The following ADARB2 variants were observed in gnomAD, a reference collection of about 807,000 sequenced individuals.
The protein encoded by ADARB2 is adenosine deaminase RNA specific B2 (inactive), also known as inactive double-stranded RNA-specific editase B2.
ADARB2 carries 25 observed loss-of-function variants against 62.2 expected under a neutral mutation model. The observed-to-expected ratio is 0.40, with a 90% CI of 0.29 to 0.56. ADARB2 has a LOEUF of 0.56. Ranked by LOEUF, ADARB2 falls within the 20% of genes least tolerant of loss-of-function variation. The pLI is 0.43. For missense variants in ADARB2, 1,071 were observed against 1,077.4 expected (o/e 0.99, Z 0.08); for synonymous variants, 572 against 500.8 (o/e 1.14, Z -1.90).
chr10:1,206,345 G>T (rs1837065558), intron 7 of ADARB2, among the ~76,000 whole-genome samples: 1 of 152,078 alleles, frequency 6.6e-6, no homozygotes. Context: ...TCTCCTCCTT[G>T]TGCCTGTGCG....
intron 1 of ADARB2, among the ~76,000 whole-genome samples, chr10:1,657,848 TTCTC>T (rs752812294): frequency 6.6e-6 from 1 of 152,066 alleles, no homozygotes; most frequent in Non-Finnish European, 1.5e-5. Flanking sequence ...CTGTCTCTGA[TTCTC>T]TCTCTTTCTC....
intron 1 of ADARB2, among the ~76,000 whole-genome samples, chr10:1,469,372 T>A (rs1253813069): frequency 6.6e-6 from 1 of 152,272 alleles, no homozygotes; most frequent in Non-Finnish European, 1.5e-5. Context: ...CTATTTGGAT[T>A]TCTTTTTCAG....
At chr10:1,351,881 C>G (rs551129764) in intron 3 of ADARB2, among the ~76,000 whole-genome samples, 4 of 149,596 alleles carry the variant, frequency 2.7e-5, no homozygotes, top group Non-Finnish European at 4.4e-5. Flanking sequence ...TGTGCCTTAT[C>G]AACCAAATTG....
intron 3 of ADARB2, among the ~76,000 whole-genome samples, chr10:1,331,012 GTA>G (rs1386458980): frequency 7.2e-5 from 11 of 152,156 alleles, no homozygotes; most frequent in African/African-American, 2.7e-4. Context: ...ATGGCAAATG[GTA>G]CATTAAAAGA....
chr10:1,191,630 A>T (rs544525778), intron 8 of ADARB2, among the ~76,000 whole-genome samples: 9 of 152,244 alleles, frequency 5.9e-5, no homozygotes, highest in African/African-American at 2.2e-4. Context: ...TGCATTTATT[A>T]ATTTGTAAAT....
chr10:1,401,701 A>AGGCT (rs1832665045), intron 1 of ADARB2, among the ~76,000 whole-genome samples: 1 of 152,178 alleles, frequency 6.6e-6, no homozygotes, highest in African/African-American at 2.4e-5. Context: ...AGTGGGGTCC[A>AGGCT]GGCTCTGTTC....
chr10:1,491,781 A>G (rs1045921414), intron 1 of ADARB2, among the ~76,000 whole-genome samples: 8 of 152,338 alleles, frequency 5.3e-5, no homozygotes, highest in African/African-American at 1.9e-4. Flanking sequence ...AGAAAAAGAA[A>G]TCAGAGTGGA....
chr10:1,613,259 C>T (rs1381026252), intron 1 of ADARB2, among the ~76,000 whole-genome samples: 1 of 152,220 alleles, frequency 6.6e-6, no homozygotes, highest in East Asian at 1.9e-4. Context: ...TTAGCCATGC[C>T]TGAAATGTGT....
intron 1 of ADARB2, among the ~76,000 whole-genome samples, chr10:1,657,746 C>T (rs1480294976): frequency 6.6e-6 from 1 of 152,206 alleles, no homozygotes; most frequent in African/African-American, 2.4e-5. Context: ...TGAGAGCTTC[C>T]TTTGCTGGGA....
At chr10:1,693,814 A>T (rs894729374) in intron 1 of ADARB2, among the ~76,000 whole-genome samples, 1 of 152,232 alleles carries the variant, frequency 6.6e-6, no homozygotes, top group Non-Finnish European at 1.5e-5. Flanking sequence ...GAGGAAACAT[A>T]AGAAAAATAA....
chr10:1,707,835 T>TGGTC (rs1834908427), intron 1 of ADARB2, among the ~76,000 whole-genome samples: 1 of 152,334 alleles, frequency 6.6e-6, no homozygotes, highest in South Asian at 2.1e-4. Context: ...TTTGTCTGAT[T>TGGTC]GGTCCTCTGC....
At chr10:1,229,377 A>G (rs1362760237) in intron 6 of ADARB2, among the ~76,000 whole-genome samples, 1 of 152,200 alleles carries the variant, frequency 6.6e-6, no homozygotes, top group Non-Finnish European at 1.5e-5. Context: ...CTGTTGGAGC[A>G]GGTTGCTGCC....
At chr10:1,258,020 G>A (rs1831096001) in intron 4 of ADARB2, among the ~76,000 whole-genome samples, 1 of 152,098 alleles carries the variant, frequency 6.6e-6, no homozygotes, top group Non-Finnish European at 1.5e-5. Flanking sequence ...TCCACACAGT[G>A]GGGACCCTGT....
intron 1 of ADARB2, among the ~76,000 whole-genome samples, chr10:1,710,226 T>C (rs1029018892): frequency 2.0e-5 from 3 of 152,194 alleles, no homozygotes; most frequent in Non-Finnish European, 4.4e-5. Flanking sequence ...GAAGAGTATA[T>C]TTAATTTCTA....
intron 3 of ADARB2, among the ~76,000 whole-genome samples, chr10:1,358,823 G>A (rs1832221798): frequency 6.6e-6 from 1 of 152,008 alleles, no homozygotes; most frequent in African/African-American, 2.4e-5. Context: ...GGTACTTGAG[G>A]GTGAAAGATA....
At chr10:1,574,981 A>C (rs1564335134) in intron 1 of ADARB2, among the ~76,000 whole-genome samples, 1 of 26,306 alleles carries the variant, frequency 3.8e-5, no homozygotes, top group Non-Finnish European at 9.3e-5. Context: ...ACAGAAAAAC[A>C]GAAGTCAAAA....
At chr10:1,384,317 A>T (rs1255174309) in intron 1 of ADARB2, among the ~76,000 whole-genome samples, 1 of 152,240 alleles carries the variant, frequency 6.6e-6, no homozygotes, top group Non-Finnish European at 1.5e-5. Flanking sequence ...TGTCTTACCA[A>T]ATTCTTTCTG....
intron 1 of ADARB2, among the ~76,000 whole-genome samples, chr10:1,645,166 C>G (rs1834024025): frequency 6.6e-6 from 1 of 152,242 alleles, no homozygotes; most frequent in African/African-American, 2.4e-5. Flanking sequence ...ACACAGGGAC[C>G]AAGGTTCTGA....
chr10:1,327,039 GCC>G lies in ADARB2; in HGVS notation c.1077+35987_1077+35988del, dbSNP rs1831863292. 3.2e-5 allele frequency among the ~76,000 whole-genome samples: 2 copies of G among 62,526 alleles called. 1 individual carries two copies. Among genetic ancestry groups the G allele is most frequent in the East Asian group, 1.0e-3 (2 of 1,978 alleles). 41.0% of individuals were successfully genotyped at this position (62,526 alleles called of 152,430 possible). On this transcript the variant is annotated intron_variant, in intron 3 of 9. Transcript: ENST00000381312. ...CCCCACGGCACAGCGCCTCCCCACT[GCC>G]CAGCGCCTCCCCACTGCCCAGCGCC...
Sources: gnomAD v4.1 joint callset for allele counts (sites outside exome capture counted in the v4.1 genomes callset) on GRCh38, gnomAD v4.1.1 for gene constraint, MANE v1.5 for transcripts, NCBI Gene and HGNC (gene_info 2026-07-23, HGNC 2026-07-21) for gene names.